The following SH3D19 variants were observed in gnomAD, a reference collection of about 807,000 sequenced individuals.
The protein encoded by SH3D19 is SH3 domain containing 19.
A neutral mutation model predicts 112.1 loss-of-function variants in SH3D19; 58 were observed. That is an observed-to-expected ratio of 0.52 (90% CI 0.42 to 0.64). The LOEUF (loss-of-function observed/expected upper bound fraction) is 0.64. Ranked by LOEUF, SH3D19 falls within the 30% of genes least tolerant of loss-of-function variation. The pLI, the probability that SH3D19 is intolerant of heterozygous loss-of-function variation, is 0.00. For synonymous variants in SH3D19, 391 were observed against 448.5 expected (o/e 0.87, Z 1.62); for missense variants, 1,090 against 1,263.4 (o/e 0.86, Z 2.08).
chr4:151,230,598 T>C (rs1366079786), intron 1 of SH3D19, among the ~76,000 whole-genome samples: 1 of 120,342 alleles, frequency 8.3e-6, no homozygotes, highest in Admixed American at 7.9e-5. Flanking sequence ...AAAGTGAGTC[T>C]TTTTTTTTTT....
At chr4:151,275,841 TATTA>T (rs1322224711) in intron 1 of SH3D19, among the ~76,000 whole-genome samples, 3,553 of 67,054 alleles carry the variant, frequency 0.053, 87 homozygotes, top group East Asian at 0.13. Flanking sequence ...TTATTATTAT[TATTA>T]TTATTTTTTT....
At chr4:151,125,344 T>A (rs1224202912) in intron 19 of SH3D19, among the ~76,000 whole-genome samples, 1 of 151,224 alleles carries the variant, frequency 6.6e-6, no homozygotes, top group Non-Finnish European at 1.5e-5. Flanking sequence ...ACACCTGTAG[T>A]CCCAGCTACT....
chr4:151,167,830 C>G (rs913548720), intron 7 of SH3D19, among the ~76,000 whole-genome samples: 9 of 150,800 alleles, frequency 6.0e-5, no homozygotes, highest in Non-Finnish European at 1.3e-4. Context: ...AAGTAAGGAG[C>G]GCCTCTGCCA....
chr4:151,254,777 G>A (rs974675665), intron 1 of SH3D19, among the ~76,000 whole-genome samples: 20 of 150,768 alleles, frequency 1.3e-4, no homozygotes, highest in African/African-American at 3.9e-4. Flanking sequence ...CACCTTTCCC[G>A]CCTTTCTATT....
chr4:151,271,537 T>C (rs1478723966), intron 1 of SH3D19, among the ~76,000 whole-genome samples: 2 of 152,146 alleles, frequency 1.3e-5, no homozygotes, highest in African/African-American at 4.8e-5. Context: ...TGGCATTTAA[T>C]AGGTAGAGAT....
intron 2 of SH3D19, among the ~76,000 whole-genome samples, chr4:151,207,044 G>C (rs988710945): frequency 3.9e-5 from 6 of 152,146 alleles, no homozygotes; most frequent in Non-Finnish European, 8.8e-5. Context: ...GAAAAAACTT[G>C]ATTAGCATAC....
At position 151,126,524 on chromosome 4, in the gene SH3D19, G is replaced by A. The variant is rs149726517; in HGVS notation, c.3027+1094C>T. Reference sequence around the variant, plus strand: ...AAAATATCTACTTTTGGCCGGGCGCGGTGGCTCACGCCTGTAATCCCAGCA... The same window carrying A: ...AAAATATCTACTTTTGGCCGGGCGCAGTGGCTCACGCCTGTAATCCCAGCA... On this transcript the variant is annotated intron_variant, in intron 19 of 19. Coordinates refer to ENST00000604030, the MANE Select transcript of SH3D19 (RefSeq NM_001378122.1). 2.2e-3 allele frequency among the ~76,000 whole-genome samples: 336 copies of A among 152,090 alleles called. 4 individuals carry two copies. Among genetic ancestry groups the A allele is most frequent in the Middle Eastern group, 3.4e-3 (1 of 294 alleles).
At chr4:151,189,730 G>C (rs1051128362) in intron 2 of SH3D19, among the ~76,000 whole-genome samples, 1 of 152,096 alleles carries the variant, frequency 6.6e-6, no homozygotes, top group Non-Finnish European at 1.5e-5. Flanking sequence ...CAAAAAGAAA[G>C]TTTACAAAAC....
intron 1 of SH3D19, among the ~76,000 whole-genome samples, chr4:151,264,814 G>T (rs1231412381): frequency 2.0e-5 from 3 of 151,824 alleles, no homozygotes; most frequent in African/African-American, 4.8e-5. Context: ...GATATACAAA[G>T]AATGGTTAAA....
chr4:151,297,245 A>C (rs1380299635), intron 1 of SH3D19, among the ~76,000 whole-genome samples: 2 of 152,262 alleles, frequency 1.3e-5, no homozygotes, highest in African/African-American at 4.8e-5. Context: ...CTTCCAGGAT[A>C]ATTATCCTCA....
chr4:151,234,958 C>T (rs1209802157), intron 1 of SH3D19, among the ~76,000 whole-genome samples: 1 of 151,992 alleles, frequency 6.6e-6, no homozygotes, highest in Non-Finnish European at 1.5e-5. Context: ...CTTTGTTGCC[C>T]AGGCTGGTCT....
At chr4:151,206,317 G>A (rs1355107909) in intron 2 of SH3D19, among the ~76,000 whole-genome samples, 1 of 151,976 alleles carries the variant, frequency 6.6e-6, no homozygotes, top group Non-Finnish European at 1.5e-5. Context: ...TTTTTTTTGT[G>A]TGTGTGTGTC....
intron 7 of SH3D19, among the ~76,000 whole-genome samples, chr4:151,167,889 C>T (rs540753048): frequency 6.6e-6 from 1 of 151,892 alleles, no homozygotes; most frequent in Non-Finnish European, 1.5e-5. Context: ...CCGGCTGCCC[C>T]GTCTGGGAAG....
intron 1 of SH3D19, among the ~76,000 whole-genome samples, chr4:151,266,903 C>A (rs1772830860): frequency 6.6e-6 from 1 of 152,014 alleles, no homozygotes; most frequent in Non-Finnish European, 1.5e-5. Context: ...CTATTTAGCC[C>A]CGTTTACAAA....
At chr4:151,130,948 G>GA (rs1162314124) in intron 17 of SH3D19, among the ~76,000 whole-genome samples, 57 of 118,392 alleles carry the variant, frequency 4.8e-4, no homozygotes, top group Admixed American at 4.2e-4. Context: ...TCAAAAAAAA[G>GA]AAAAAAAAAA....
rs1747811872 is a variant in SH3D19, at chr4:151,120,365, A to T, written c.*1726T>A. The stretch of plus-strand genomic sequence containing the variant: ...TATCATTCTGCTGACAGAAGGCCAA[A>T]ACTGAAGATTGAGATTTTCCTCTAA... On this transcript the variant is annotated 3_prime_UTR_variant, in exon 20 of 20. Coordinates refer to ENST00000604030, the MANE Select transcript of SH3D19 (RefSeq NM_001378122.1). The T allele has an allele frequency of 6.6e-6, 1 of 152,620 alleles. No homozygotes were observed. The highest frequency in any genetic ancestry group is 1.5e-5 in the Non-Finnish European group (1 of 68,050). 9.5% of individuals were successfully genotyped at this position (152,620 alleles called of 1,614,324 possible).
At chr4:151,321,763 G>C (rs1730554006) in intron 1 of SH3D19, among the ~76,000 whole-genome samples, 1 of 152,186 alleles carries the variant, frequency 6.6e-6, no homozygotes, top group Admixed American at 6.5e-5. Context: ...TGTCAAAAAT[G>C]AAAATTATCA....
chr4:151,154,861 G>A (rs138751378), intron 9 of SH3D19, among the ~76,000 whole-genome samples: 2,859 of 152,112 alleles, frequency 0.019, 47 homozygotes, highest in Non-Finnish European at 0.031. Flanking sequence ...GAGTTCAGGC[G>A]ATTCTCCTGC....
intron 1 of SH3D19, among the ~76,000 whole-genome samples, chr4:151,251,005 A>C (rs1284656674): frequency 6.6e-6 from 1 of 152,034 alleles, no homozygotes; most frequent in African/African-American, 2.4e-5. Flanking sequence ...AGAAGCCCTC[A>C]CCTATCCCTC....
Sources: gnomAD v4.1 joint callset for allele counts (sites outside exome capture counted in the v4.1 genomes callset) on GRCh38, gnomAD v4.1.1 for gene constraint, MANE v1.5 for transcripts, NCBI Gene and HGNC (gene_info 2026-07-23, HGNC 2026-07-21) for gene names.